ANP32A: variants seen among roughly 807,000 people sequenced by gnomAD.
ANP32A encodes acidic nuclear phosphoprotein 32 family member A, also known as acidic leucine-rich nuclear phosphoprotein 32 family member A.
In ANP32A, 1 loss-of-function variant was observed where a neutral mutation model predicts 33.9. The observed-to-expected ratio is 0.03, with a 90% CI of 0.01 to 0.14. ANP32A has a LOEUF of 0.14. Ranked by LOEUF, ANP32A falls within the 10% of genes least tolerant of loss-of-function variation. ANP32A has a pLI of 1.00. For synonymous variants in ANP32A, 115 were observed against 120.5 expected (o/e 0.95, Z 0.30); for missense variants, 155 against 306.0 (o/e 0.51, Z 3.68).
chr15:68,790,392 G>A (rs1388108806), intron 1 of ANP32A: 3 of 152,176 alleles, frequency 2.0e-5, no homozygotes, highest in African/African-American at 7.2e-5. Flanking sequence ...CACAGCCCAA[G>A]GGGCTGCTGC....
intron 1 of ANP32A, among the ~76,000 whole-genome samples, chr15:68,820,398 G>T (rs540963698): frequency 6.6e-6 from 1 of 152,116 alleles, no homozygotes; most frequent in South Asian, 2.1e-4. Context: ...ACCCAAACGC[G>T]TGCGCCCGCC....
chr15:68,802,785 T>C (rs1013792755), intron 1 of ANP32A, among the ~76,000 whole-genome samples: 55 of 152,188 alleles, frequency 3.6e-4, no homozygotes, highest in African/African-American at 1.3e-3. Context: ...CCCAAGTAGC[T>C]GGGATTACAG....
At chr15:68,790,228 C>T (rs1259654189) in intron 1 of ANP32A, 4 of 152,274 alleles carry the variant, frequency 2.6e-5, no homozygotes, top group Admixed American at 2.0e-4. Context: ...AGACTGCAGA[C>T]ATGCGGTTTT....
At chr15:68,812,450 G>A (rs181970828) in intron 1 of ANP32A, among the ~76,000 whole-genome samples, 235 of 152,286 alleles carry the variant, frequency 1.5e-3, no homozygotes, top group African/African-American at 5.3e-3. Flanking sequence ...AGGAGCCTAG[G>A]ATTGAGTCCT....
At chr15:68,788,588 G>A (rs1322780196) in intron 1 of ANP32A, among the ~76,000 whole-genome samples, 2 of 152,242 alleles carry the variant, frequency 1.3e-5, no homozygotes, top group East Asian at 3.8e-4. Flanking sequence ...TGGCCACGGA[G>A]TGCGGCCAGT....
chr15:68,812,048 T>C (rs751273), intron 1 of ANP32A, among the ~76,000 whole-genome samples: 128,079 of 151,214 alleles, frequency 0.85, 56,940 homozygotes, highest in Non-Finnish European at 0.97. Flanking sequence ...TTTTTTTTTT[T>C]TTAAGTGAAT....
intron 1 of ANP32A, among the ~76,000 whole-genome samples, chr15:68,805,223 T>C (rs1894200827): frequency 6.6e-6 from 1 of 152,192 alleles, no homozygotes; most frequent in Non-Finnish European, 1.5e-5. Context: ...CAGGAAACAC[T>C]GCTATTTCAG....
chr15:68,784,407 CTCCTCCTCATCA>C lies in ANP32A; in HGVS notation c.504_515del (p.Asp168_Glu171del). The C allele has an allele frequency of 6.2e-7, 1 of 1,613,858 alleles. No individual in the cohort carries two copies. The highest frequency in any genetic ancestry group is 8.5e-7 in the Non-Finnish European group (1 of 1,179,804). On this transcript the variant is annotated inframe_deletion, in exon 4 of 7. Coordinates refer to ENST00000465139, the MANE Select transcript of ANP32A (RefSeq NM_006305.4). ...CACCCTGTCACCCACCATCCTCATC[CTCCTCCTCATCA>C]TCCAGGCCCTCCACGTAGCCCTCAG...
rs1200192124 is a variant in ANP32A at position 68,783,071 on chromosome 15, G to T, written c.527-18C>A. 1.3e-6 allele frequency: 2 copies of T among 1,551,504 alleles called. No individual in the cohort carries two copies. The highest frequency in any genetic ancestry group is 1.7e-6 in the Non-Finnish European group (2 of 1,146,954). On this transcript the variant is annotated intron_variant, in intron 4 of 6. Transcript: ENST00000465139. ...CTCCTCCTCTGTGCAATCGAAATGG[G>T]GAACGGAAACAGAACTAGTGGTGAG...
intron 3 of ANP32A, among the ~76,000 whole-genome samples, chr15:68,786,866 C>G (rs1893939875): frequency 6.6e-6 from 1 of 152,144 alleles, no homozygotes; most frequent in African/African-American, 2.4e-5. Context: ...GACTGGTGAC[C>G]AGGGGTCACT....
At chr15:68,818,992 G>T (rs1229054384) in intron 1 of ANP32A, among the ~76,000 whole-genome samples, 1 of 152,188 alleles carries the variant, frequency 6.6e-6, no homozygotes, top group Non-Finnish European at 1.5e-5. Context: ...CGCCCTGCGC[G>T]CCATAAGGCA....
At chr15:68,808,378 T>C (rs1313461131) in intron 1 of ANP32A, among the ~76,000 whole-genome samples, 1 of 152,200 alleles carries the variant, frequency 6.6e-6, no homozygotes, top group Non-Finnish European at 1.5e-5. Flanking sequence ...CTGCAGTGTA[T>C]GTGCTATGCT....
chr15:68,809,950 GA>G (rs1404043214), intron 1 of ANP32A, among the ~76,000 whole-genome samples: 5 of 152,202 alleles, frequency 3.3e-5, no homozygotes, highest in Admixed American at 1.3e-4. Context: ...TCATAATCTG[GA>G]ATATGTAGTT....
chr15:68,783,197 A>T (rs1268511003), intron 4 of ANP32A, 144 bp from the exon 5 acceptor site: 1 of 1,292,394 alleles, frequency 7.7e-7, no homozygotes, highest in African/African-American at 1.5e-5. Flanking sequence ...GAACACACTA[A>T]CTCTCATGAA....
At chr15:68,801,671 T>C (rs1894137813) in intron 1 of ANP32A, among the ~76,000 whole-genome samples, 2 of 152,326 alleles carry the variant, frequency 1.3e-5, no homozygotes, top group South Asian at 4.1e-4. Context: ...TTTCAATAAA[T>C]GTTTGCAGAA....
intron 1 of ANP32A, chr15:68,792,166 G>C (rs532455076): frequency 6.6e-6 from 1 of 150,886 alleles, no homozygotes; most frequent in South Asian, 2.1e-4. Flanking sequence ...CCCCTGCCAA[G>C]TCCTGGGTGT....
At chr15:68,814,608 G>A (rs1271385942) in intron 1 of ANP32A, among the ~76,000 whole-genome samples, 1 of 152,076 alleles carries the variant, frequency 6.6e-6, no homozygotes, top group African/African-American at 2.4e-5. Context: ...TTGTCCCCTT[G>A]AATTTATCTC....
At chr15:68,819,590 G>C (rs1407230176) in intron 1 of ANP32A, among the ~76,000 whole-genome samples, 1 of 152,212 alleles carries the variant, frequency 6.6e-6, no homozygotes, top group African/African-American at 2.4e-5. Flanking sequence ...GGCAGCTCGC[G>C]TCCTGACAAA....
At chr15:68,809,815 T>C (rs1894288739) in intron 1 of ANP32A, among the ~76,000 whole-genome samples, 1 of 152,236 alleles carries the variant, frequency 6.6e-6, no homozygotes, top group African/African-American at 2.4e-5. Context: ...TCAGTACTTC[T>C]AGAATGCTTA....
Sources: allele counts gnomAD v4.1 joint callset (sites outside exome capture counted in the v4.1 genomes callset), GRCh38; gene constraint gnomAD v4.1.1; transcripts MANE v1.5; gene names NCBI Gene and HGNC (gene_info 2026-07-23, HGNC 2026-07-21).